Variants in LEPR observed in about 807,000 individuals in gnomAD.
The protein encoded by LEPR is leptin receptor.
A neutral mutation model predicts 114.7 loss-of-function variants in LEPR; 56 were observed. That is an observed-to-expected ratio of 0.49 (90% CI 0.39 to 0.61). The LOEUF (loss-of-function observed/expected upper bound fraction) is 0.61, where lower values mean the gene tolerates loss of function less well. LEPR is among the 20% of genes least tolerant of loss of function. The pLI, the probability that LEPR is intolerant of heterozygous loss-of-function variation, is 0.00. For missense variants in LEPR, 1,202 were observed against 1,352.9 expected (o/e 0.89, Z 1.75); for synonymous variants, 443 against 461.4 (o/e 0.96, Z 0.51).
At chr1:65,480,463 C>T (rs930355731) in intron 2 of LEPR, among the ~76,000 whole-genome samples, 3 of 152,144 alleles carry the variant, frequency 2.0e-5, no homozygotes, top group Non-Finnish European at 4.4e-5. Flanking sequence ...AGACAAAACA[C>T]TCCCTATCTC....
chr1:65,578,943 A>C (rs1654789498), intron 5 of LEPR, among the ~76,000 whole-genome samples: 1 of 152,184 alleles, frequency 6.6e-6, no homozygotes, highest in African/African-American at 2.4e-5. Context: ...AGGAACCCAG[A>C]TATAGTGCCA....
At chr1:65,497,218 A>G (rs1648209311) in intron 2 of LEPR, among the ~76,000 whole-genome samples, 1 of 152,174 alleles carries the variant, frequency 6.6e-6, no homozygotes, top group Non-Finnish European at 1.5e-5. Context: ...TGAACAGGGT[A>G]ATTTTTATTC....
intron 5 of LEPR, among the ~76,000 whole-genome samples, chr1:65,589,750 A>G (rs543888057): frequency 1.3e-3 from 194 of 152,164 alleles, no homozygotes; most frequent in Non-Finnish European, 2.4e-3. Context: ...AGTCTATTCT[A>G]GACTCTATTC....
chr1:65,602,336 T>A (rs1380651559), intron 10 of LEPR, among the ~76,000 whole-genome samples: 1 of 151,966 alleles, frequency 6.6e-6, no homozygotes, highest in African/African-American at 2.4e-5. Flanking sequence ...GGCTAAAGAT[T>A]AATGTTTTGG....
intron 2 of LEPR, among the ~76,000 whole-genome samples, chr1:65,520,160 G>C (rs1221860262): frequency 6.6e-6 from 1 of 151,996 alleles, no homozygotes; most frequent in Non-Finnish European, 1.5e-5. Flanking sequence ...ACAGCACCTG[G>C]CCAAAAAAAT....
chr1:65,449,102 C>G (rs1424928951), intron 2 of LEPR, among the ~76,000 whole-genome samples: 1 of 152,196 alleles, frequency 6.6e-6, no homozygotes, highest in Admixed American at 6.5e-5. Flanking sequence ...CTATATTGGT[C>G]AGGCTGGTCT....
At chr1:65,551,030 G>A (rs1253802444) in intron 2 of LEPR, among the ~76,000 whole-genome samples, 1 of 152,056 alleles carries the variant, frequency 6.6e-6, no homozygotes, top group Non-Finnish European at 1.5e-5. Flanking sequence ...ATTGATTTGT[G>A]TATGTTGAAG....
chr1:65,546,266 G>A (rs757077215), intron 2 of LEPR, among the ~76,000 whole-genome samples: 5 of 152,108 alleles, frequency 3.3e-5, no homozygotes, highest in Non-Finnish European at 7.4e-5. Flanking sequence ...TGTTCTTTTG[G>A]CTTAGGATTG....
chr1:65,467,109 G>T (rs1283453164), intron 2 of LEPR, among the ~76,000 whole-genome samples: 1 of 152,196 alleles, frequency 6.6e-6, no homozygotes, highest in East Asian at 1.9e-4. Context: ...GAGAAGAGGC[G>T]CTCTATTTTT....
chr1:65,511,878 A>G (rs1649051256), intron 2 of LEPR, among the ~76,000 whole-genome samples: 1 of 152,210 alleles, frequency 6.6e-6, no homozygotes, highest in African/African-American at 2.4e-5. Context: ...GGGTTAGTGT[A>G]TTAGTCTGCT....
intron 2 of LEPR, among the ~76,000 whole-genome samples, chr1:65,463,272 G>A (rs1646968878): frequency 6.6e-6 from 1 of 152,004 alleles, no homozygotes; most frequent in Admixed American, 6.6e-5. Context: ...CTATTTGGTT[G>A]TTTGTGTCAG....
chr1:65,639,142 A>C lies in LEPR; in HGVS notation c.*2127A>C, dbSNP rs986660705. The stretch of plus-strand genomic sequence containing the variant: ...GATAGATGTTTTCATCAGCCCAAGG[A>C]TGTATGTATCTTACTTGAGTGAATT... On this transcript the variant is annotated 3_prime_UTR_variant, in exon 20 of 20. Transcript: ENST00000349533. The C allele has an allele frequency of 6.6e-6, 1 of 152,108 alleles. No individual in the cohort carries two copies. The allele number at this position is 152,108 out of a possible 1,614,324, so 9.4% of individuals were successfully genotyped here.
At chr1:65,611,042 T>G (rs1241388590) in intron 14 of LEPR, among the ~76,000 whole-genome samples, 1 of 152,256 alleles carries the variant, frequency 6.6e-6, no homozygotes, top group African/African-American at 2.4e-5. Context: ...TAAATCCAGT[T>G]ACTCTATAAT....
chr1:65,582,896 T>A (rs527612563), intron 5 of LEPR, among the ~76,000 whole-genome samples: 1 of 152,172 alleles, frequency 6.6e-6, no homozygotes, highest in African/African-American at 2.4e-5. Context: ...TTTCACTACT[T>A]CTTTTAAAGA....
chr1:65,430,762 C>T (rs145088863), intron 2 of LEPR, among the ~76,000 whole-genome samples: 262 of 151,830 alleles, frequency 1.7e-3, no homozygotes, highest in Non-Finnish European at 2.8e-3. Flanking sequence ...GGTACTGTCT[C>T]TGCTCCTGAG....
At chr1:65,577,520 G>T in intron 5 of LEPR, 1 of 170,268 alleles carries the variant, frequency 5.9e-6, no homozygotes, top group Non-Finnish European at 1.3e-5. Context: ...TTTACATGCT[G>T]TATTCTTTGT....
intron 2 of LEPR, among the ~76,000 whole-genome samples, chr1:65,559,999 T>C (rs1313143351): frequency 6.8e-6 from 1 of 146,790 alleles, no homozygotes; most frequent in East Asian, 1.9e-4. Context: ...CCTCCAGCTT[T>C]GTTCTTTTGG....
chr1:65,608,691 T>C (rs778221009), intron 11 of LEPR, 62 bp from the exon 12 acceptor site: 13 of 1,530,994 alleles, frequency 8.5e-6, no homozygotes, highest in Non-Finnish European at 1.1e-5. Flanking sequence ...TATAACACAA[T>C]GTTTTTAGGC....
chr1:65,637,064 T>C lies in LEPR; in HGVS notation c.*49T>C. The C allele has an allele frequency of 1.9e-6, 3 of 1,561,258 alleles. No homozygotes were observed. Among genetic ancestry groups the C allele is most frequent in the Non-Finnish European group, 2.6e-6 (3 of 1,146,554 alleles). On this transcript the variant is annotated 3_prime_UTR_variant, in exon 20 of 20. Coordinates refer to ENST00000349533, the MANE Select transcript of LEPR (RefSeq NM_002303.6). Reference sequence around the variant, plus strand: ...TTGTGTTATAATGGGTAATATAAAGTGTAATAGATTATAGTTGTGGGTGGG... The same window carrying C: ...TTGTGTTATAATGGGTAATATAAAGCGTAATAGATTATAGTTGTGGGTGGG...
Sources: gnomAD v4.1 joint callset for allele counts (sites outside exome capture counted in the v4.1 genomes callset) on GRCh38, gnomAD v4.1.1 for gene constraint, MANE v1.5 for transcripts, NCBI Gene and HGNC (gene_info 2026-07-23, HGNC 2026-07-21) for gene names.